SGMS1: variants seen among roughly 807,000 people sequenced by gnomAD.
The protein encoded by SGMS1 is sphingomyelin synthase 1, also known as phosphatidylcholine:ceramide cholinephosphotransferase 1.
In SGMS1, 13 loss-of-function variants were observed where a neutral mutation model predicts 46.2. The ratio of observed to expected loss-of-function variants is 0.28; its 90% confidence interval spans 0.18 to 0.45. The LOEUF (loss-of-function observed/expected upper bound fraction) is 0.45, where lower values mean the gene tolerates loss of function less well. Ranked by LOEUF, SGMS1 falls within the 20% of genes least tolerant of loss-of-function variation. The pLI, the probability that SGMS1 is intolerant of heterozygous loss-of-function variation, is 1.00. For missense variants in SGMS1, 324 were observed against 519.9 expected (o/e 0.62, Z 3.66); for synonymous variants, 203 against 187.8 (o/e 1.08, Z -0.66).
intron 2 of SGMS1, among the ~76,000 whole-genome samples, chr10:50,554,629 GT>G (rs1838175575): frequency 6.6e-6 from 1 of 152,176 alleles, no homozygotes; most frequent in Admixed American, 6.5e-5. Flanking sequence ...CACCGAGAAG[GT>G]TCAGGGGCTG....
intron 1 of SGMS1, among the ~76,000 whole-genome samples, chr10:50,602,948 A>G (rs1409495858): frequency 1.3e-5 from 2 of 152,258 alleles, no homozygotes; most frequent in East Asian, 3.8e-4. Flanking sequence ...CAAAACAATC[A>G]GGAGAAAAGG....
chr10:50,597,824 C>T (rs754372466), intron 1 of SGMS1, among the ~76,000 whole-genome samples: 1 of 151,948 alleles, frequency 6.6e-6, no homozygotes, highest in Non-Finnish European at 1.5e-5. Flanking sequence ...ACCAGCCTGA[C>T]CAACCTGGAG....
chr10:50,334,487 C>T (rs1374330329), intron 7 of SGMS1: 1 of 152,168 alleles, frequency 6.6e-6, no homozygotes, highest in Non-Finnish European at 1.5e-5. Context: ...TGCTTAGTCA[C>T]AGCCAGCAGA....
intron 3 of SGMS1, among the ~76,000 whole-genome samples, chr10:50,475,577 T>G (rs56133398): frequency 0.18 from 28,082 of 152,110 alleles, 2,778 homozygotes; most frequent in Admixed American, 0.24. Flanking sequence ...GCCAGGTTGA[T>G]ATAGTTTGGC....
At chr10:50,477,636 AGTGTTGGAGGTG>A (rs2133712468) in intron 3 of SGMS1, among the ~76,000 whole-genome samples, 1 of 152,280 alleles carries the variant, frequency 6.6e-6, no homozygotes, top group African/African-American at 2.4e-5. Flanking sequence ...TTTAATTCCC[AGTGTTGGAGGTG>A]GGGCCTGGTG....
chr10:50,488,420 T>G (rs1358858928), intron 3 of SGMS1, among the ~76,000 whole-genome samples: 1 of 152,188 alleles, frequency 6.6e-6, no homozygotes, highest in Non-Finnish European at 1.5e-5. Flanking sequence ...GCCATAGCTA[T>G]GGGTACAGAC....
chr10:50,476,724 A>G (rs1206545670), intron 3 of SGMS1, among the ~76,000 whole-genome samples: 2 of 152,034 alleles, frequency 1.3e-5, no homozygotes, highest in East Asian at 3.9e-4. Flanking sequence ...CATCCCAGCC[A>G]CTCCAGCTCT....
chr10:50,526,337 T>C (rs182030748), intron 2 of SGMS1, among the ~76,000 whole-genome samples: 2 of 152,216 alleles, frequency 1.3e-5, no homozygotes, highest in African/African-American at 4.8e-5. Context: ...GAGAACTCAC[T>C]ATCATGAGAA....
At chr10:50,557,090 T>G (rs1355581285) in intron 2 of SGMS1, among the ~76,000 whole-genome samples, 2 of 152,216 alleles carry the variant, frequency 1.3e-5, no homozygotes, top group Non-Finnish European at 1.5e-5. Context: ...TGCAGTGCTG[T>G]TAATCTTTCT....
At chr10:50,370,778 C>T (rs572199787) in intron 6 of SGMS1, among the ~76,000 whole-genome samples, 11 of 151,596 alleles carry the variant, frequency 7.3e-5, no homozygotes, top group African/African-American at 2.7e-4. Flanking sequence ...TACACATTAG[C>T]CTAGGCCTGC....
At chr10:50,371,182 G>C (rs990754985) in intron 6 of SGMS1, among the ~76,000 whole-genome samples, 5 of 152,168 alleles carry the variant, frequency 3.3e-5, no homozygotes, top group Non-Finnish European at 7.3e-5. Context: ...TACACCAGTA[G>C]GCTATATAGG....
At chr10:50,335,254 C>T (rs1847697531) in intron 7 of SGMS1, 1 of 152,222 alleles carries the variant, frequency 6.6e-6, no homozygotes, top group Non-Finnish European at 1.5e-5. Flanking sequence ...GATCATGCCA[C>T]TACACTCCAC....
At chr10:50,314,450 C>T (rs539950463) in intron 8 of SGMS1, among the ~76,000 whole-genome samples, 1 of 152,204 alleles carries the variant, frequency 6.6e-6, no homozygotes, top group African/African-American at 2.4e-5. Context: ...TCCTCATCTA[C>T]AATTTGGGAA....
intron 1 of SGMS1, among the ~76,000 whole-genome samples, chr10:50,595,277 G>T (rs913358341): frequency 2.6e-5 from 4 of 152,006 alleles, no homozygotes; most frequent in Non-Finnish European, 2.9e-5. Context: ...CCAGGTTCAA[G>T]CAATTCTCCT....
Position 50,341,298 on chromosome 10 carries a change from A to T in SGMS1, c.623+2194T>A, listed in dbSNP as rs532476933. The T allele has an allele frequency of 7.0e-4, 319 of 455,486 alleles. 2 individuals are homozygous for T. The highest frequency in any genetic ancestry group is 1.2e-3 in the Admixed American group (53 of 42,510). The allele number at this position is 455,486 out of a possible 1,614,324, so 28.2% of individuals were successfully genotyped here. A position where few individuals can be genotyped will look rare whatever the true frequency, so the allele number is the denominator to read the frequency against. ...ATCTGTATCTTTCTTCCTACCTCCT[A>T]CCTGTCTGGTGGGCCAGATACACTG... On this transcript the variant is annotated intron_variant, in intron 7 of 10. Coordinates refer to ENST00000361781, the MANE Select transcript of SGMS1 (RefSeq NM_147156.4).
intron 4 of SGMS1, among the ~76,000 whole-genome samples, chr10:50,464,083 A>C (rs1475523771): frequency 2.0e-5 from 3 of 152,218 alleles, no homozygotes; most frequent in Non-Finnish European, 4.4e-5. Flanking sequence ...CAGTTTTGCA[A>C]CATAAAATGT....
chr10:50,482,528 G>A (rs753897912), intron 3 of SGMS1, among the ~76,000 whole-genome samples: 56 of 152,268 alleles, frequency 3.7e-4, no homozygotes, highest in South Asian at 8.3e-4. Flanking sequence ...CCTGCCTTGC[G>A]AGAATTCCTG....
At chr10:50,410,323 C>T (rs979779213) in intron 6 of SGMS1, among the ~76,000 whole-genome samples, 3 of 152,096 alleles carry the variant, frequency 2.0e-5, no homozygotes, top group Admixed American at 1.3e-4. Flanking sequence ...GCCAGCTGGT[C>T]CTTAGAGTGC....
Position 50,307,000 on chromosome 10 carries a change from G to T in SGMS1, c.*142C>A. The T allele has an allele frequency of 1.2e-6, 1 of 812,636 alleles. No individual in the cohort carries two copies. The highest frequency in any genetic ancestry group is 1.9e-6 in the Non-Finnish European group (1 of 533,060). The allele number at this position is 812,636 out of a possible 1,614,324, so 50.3% of individuals were successfully genotyped here. ...TTTGGAGAGAAAAAAAGATCACAGT[G>T]CTGACCAGGTAACTCAATAGGTTAA... On this transcript the variant is annotated 3_prime_UTR_variant, in exon 11 of 11. Transcript: ENST00000361781.
Sources: gnomAD v4.1 joint callset for allele counts (sites outside exome capture counted in the v4.1 genomes callset) on GRCh38, gnomAD v4.1.1 for gene constraint, MANE v1.5 for transcripts, NCBI Gene and HGNC (gene_info 2026-07-23, HGNC 2026-07-21) for gene names.